Variants in TMLHE observed in about 807,000 individuals in gnomAD.
TMLHE encodes the protein trimethyllysine dioxygenase, mitochondrial.
A neutral mutation model predicts 25.7 loss-of-function variants in TMLHE; 18 were observed. The ratio of observed to expected loss-of-function variants is 0.70; its 90% CI spans 0.48 to 1.04. The LOEUF is 1.04. TMLHE is among the 50% of genes least tolerant of loss of function. TMLHE has a pLI of 0.00. For synonymous variants in TMLHE, 105 were observed against 97.0 expected (o/e 1.08, Z -0.49); for missense variants, 236 against 259.0 (o/e 0.91, Z 0.61).
intron 2 of TMLHE, among the ~76,000 whole-genome samples, chrX:155,533,397 A>ACG (rs1468667210): frequency 5.4e-5 from 6 of 111,190 alleles, no homozygotes; most frequent in Admixed American, 9.5e-5. Context: ...ACACACACAC[A>ACG]CATATATATC....
At chrX:155,506,051 G>C (rs1306249470) in intron 6 of TMLHE, among the ~76,000 whole-genome samples, 1 of 111,271 alleles carries the variant, frequency 9.0e-6, no homozygotes, top group Non-Finnish European at 1.9e-5. Context: ...AGAAGAGTAA[G>C]AAGGGATCAG....
At chrX:155,550,214 T>C (rs1244457447) in intron 1 of TMLHE, among the ~76,000 whole-genome samples, 2 of 109,777 alleles carry the variant, frequency 1.8e-5, no homozygotes, top group African/African-American at 3.4e-5. Flanking sequence ...CGTAGAATGA[T>C]TTTTTTTTGG....
At chrX:155,563,592 A>C (rs2067503464) in intron 1 of TMLHE, among the ~76,000 whole-genome samples, 1 of 62,123 alleles carries the variant, frequency 1.6e-5, no homozygotes, top group African/African-American at 3.6e-5. Context: ...AAAACAGATT[A>C]GAATTTTAGT....
intron 1 of TMLHE, chrX:155,612,403 C>A (rs2067829694): frequency 8.9e-6 from 1 of 111,941 alleles, no homozygotes; most frequent in Admixed American, 9.4e-5. Context: ...GGTAGGGACT[C>A]GCTGAAAGCT....
At chrX:155,590,162 A>G (rs2067686748) in intron 1 of TMLHE, among the ~76,000 whole-genome samples, 1 of 112,402 alleles carries the variant, frequency 8.9e-6, no homozygotes, top group Non-Finnish European at 1.9e-5. Context: ...AATATAAAAC[A>G]TGGTACATAC....
At chrX:155,525,791 T>C (rs1240224696) in intron 2 of TMLHE, among the ~76,000 whole-genome samples, 3 of 112,150 alleles carry the variant, frequency 2.7e-5, no homozygotes, top group Non-Finnish European at 5.6e-5. Flanking sequence ...ACTGGCAGCA[T>C]TGTGCCCCTG....
rs5983652 is a variant in TMLHE, at chrX:155,562,297, G to T, written c.-1-17020C>A. On this transcript the variant is annotated intron_variant, in intron 1 of 7. Transcript: ENST00000334398. ...GCATCCTCTGAAGCAATGTACCATG[G>T]CCCCTTTAAGCCACAGTTGGAGCTG... 2.7e-3 allele frequency among the ~76,000 whole-genome samples: 169 copies of T among 61,804 alleles called. 15 individuals are homozygous for T. The highest frequency in any genetic ancestry group is 5.9e-3 in the African/African-American group (164 of 27,909). The allele number at this position is 61,804 out of a possible 115,157, so 53.7% of individuals were successfully genotyped here. A position where few individuals can be genotyped will look rare whatever the true frequency, so the allele number is the denominator to read the frequency against.
At chrX:155,596,799 T>C (rs1006510172) in intron 1 of TMLHE, among the ~76,000 whole-genome samples, 3 of 111,842 alleles carry the variant, frequency 2.7e-5, no homozygotes, top group Admixed American at 1.9e-4. Flanking sequence ...CCATAATTCC[T>C]GACAGTGACT....
At chrX:155,599,769 CTT>C (rs1194065906) in intron 1 of TMLHE, among the ~76,000 whole-genome samples, 2 of 111,323 alleles carry the variant, frequency 1.8e-5, no homozygotes, top group Non-Finnish European at 3.8e-5. Flanking sequence ...TATGCATACA[CTT>C]TATCCTAAAG....
chrX:155,548,662 G>C lies in TMLHE; in HGVS notation c.-1-3385C>G, dbSNP rs782083258. On this transcript the variant is annotated intron_variant, in intron 1 of 7. Transcript: ENST00000334398. ...AGGCAGGAGAATCGCTTGAACCCAG[G>C]AGGCAAAGGTTGCAGTGAGCTGAGA... 5.2e-4 allele frequency among the ~76,000 whole-genome samples: 56 copies of C among 108,436 alleles called. 1 individual carries two copies. The highest frequency in any genetic ancestry group is 1.9e-3 in the African/African-American group (56 of 29,266). The allele number at this position is 108,436 out of a possible 115,157, so 94.2% of individuals were successfully genotyped here.
chrX:155,534,611 T>C (rs2067267769), intron 2 of TMLHE, among the ~76,000 whole-genome samples: 2 of 111,519 alleles, frequency 1.8e-5, no homozygotes, highest in South Asian at 7.6e-4. Flanking sequence ...CACATACTTA[T>C]CTGGTTTCAC....
chrX:155,587,038 C>T (rs2067669192), intron 1 of TMLHE, among the ~76,000 whole-genome samples: 2 of 111,968 alleles, frequency 1.8e-5, no homozygotes, highest in African/African-American at 6.5e-5. Context: ...ACCTTCATAC[C>T]AAAATCTGGC....
At chrX:155,545,836 G>A (rs1326071540) in intron 1 of TMLHE, among the ~76,000 whole-genome samples, 1 of 111,299 alleles carries the variant, frequency 9.0e-6, no homozygotes, top group Non-Finnish European at 1.9e-5. Flanking sequence ...TGGACGTGTA[G>A]TAGGCTATAC....
chrX:155,531,907 C>A (rs2067251013), intron 2 of TMLHE, among the ~76,000 whole-genome samples: 1 of 110,894 alleles, frequency 9.0e-6, no homozygotes, highest in African/African-American at 3.3e-5. Flanking sequence ...CAAAATAGAC[C>A]CCAATTGAGA....
intron 5 of TMLHE, among the ~76,000 whole-genome samples, chrX:155,508,550 A>T (rs965081680): frequency 1.1e-4 from 12 of 111,251 alleles, no homozygotes; most frequent in African/African-American, 3.9e-4. Flanking sequence ...GAAAAGAGGG[A>T]TAAGGAGAAA....
At chrX:155,554,394 T>C (rs1557340444) in intron 1 of TMLHE, among the ~76,000 whole-genome samples, 1 of 110,975 alleles carries the variant, frequency 9.0e-6, no homozygotes, top group African/African-American at 3.3e-5. Flanking sequence ...AGGCTGGATA[T>C]AGAATTTACC....
At position 155,593,147 on chromosome X, in the gene TMLHE, C is replaced by T. The variant is rs911701175; in HGVS notation, c.-2+19645G>A. On this transcript the variant is annotated intron_variant, in intron 1 of 7. Coordinates refer to ENST00000334398, the MANE Select transcript of TMLHE (RefSeq NM_018196.4). ...ACTCTGCCTAATCTTGGAGACCAGC[C>T]TGCACCCCTGGCCCAACCACAGAAA... 4.5e-5 allele frequency among the ~76,000 whole-genome samples: 5 copies of T among 111,888 alleles called. No homozygotes were observed. In the East Asian group the frequency reaches 1.4e-3, roughly 31 times the overall value.
chrX:155,607,810 T>C (rs183824867), intron 1 of TMLHE, among the ~76,000 whole-genome samples: 1 of 110,919 alleles, frequency 9.0e-6, no homozygotes, highest in African/African-American at 3.3e-5. Flanking sequence ...CCATTCACAA[T>C]AGACATAAAA....
intron 1 of TMLHE, among the ~76,000 whole-genome samples, chrX:155,548,015 G>T (rs1279965641): frequency 9.0e-6 from 1 of 111,393 alleles, no homozygotes; most frequent in African/African-American, 3.3e-5. Context: ...TCAATTTTTA[G>T]AAATCAGCCC....
Sources: allele counts gnomAD v4.1 joint callset (sites outside exome capture counted in the v4.1 genomes callset), GRCh38; gene constraint gnomAD v4.1.1; transcripts MANE v1.5; gene names NCBI Gene and HGNC (gene_info 2026-07-23, HGNC 2026-07-21).